IGSF10: variants seen among roughly 807,000 people sequenced by gnomAD.
The protein encoded by IGSF10 is calvaria mechanical force protein 608.
A neutral mutation model predicts 128.2 loss-of-function variants in IGSF10; 126 were observed. The ratio of observed to expected loss-of-function variants is 0.98; its 90% CI spans 0.85 to 1.14. The LOEUF (loss-of-function observed/expected upper bound fraction) is 1.14. Ranked by LOEUF, IGSF10 falls within the 50% of genes most tolerant of loss-of-function variation. The probability of loss-of-function intolerance (pLI) is 0.00; values close to 1 mark genes in which losing one functional copy is unlikely to be tolerated. For missense variants in IGSF10, 3,295 were observed against 3,149.8 expected (o/e 1.05, Z -1.10); for synonymous variants, 1,185 against 1,146.2 (o/e 1.03, Z -0.68).
At chr3:151,435,428 A>ACATAAGTTG (rs1720038546), downstream of IGSF10, 1 of 152,172 alleles carries the variant, frequency 6.6e-6, no homozygotes, top group Admixed American at 6.5e-5. Context: ...CTAACATCAG[A>ACATAAGTTG]CATAAGTTGC....
downstream of IGSF10, chr3:151,435,610 A>C (rs989269816): frequency 9.3e-6 from 1 of 107,152 alleles, no homozygotes; most frequent in Non-Finnish European, 2.0e-5. Context: ...CCATTTATAA[A>C]GCTCCTATAA....
At chr3:151,463,523 G>GGTTT (rs1553837068), upstream of IGSF10, among the ~76,000 whole-genome samples, 7 of 31,272 alleles carry the variant, frequency 2.2e-4, no homozygotes, top group South Asian at 5.2e-3. Context: ...ACATTTTCTG[G>GGTTT]TTTTTTTTTT....
At chr3:151,460,763 G>A (rs1392021359) in intron 1 of IGSF10, among the ~76,000 whole-genome samples, 183 bp downstream of exon 1, 2 of 150,526 alleles carry the variant, frequency 1.3e-5, no homozygotes, top group African/African-American at 2.5e-5. Flanking sequence ...ACCAGTCACC[G>A]AAGAATTGTC....
At chr3:151,559,550 A>G in the IGSF10 span, among the ~76,000 whole-genome samples, 1 of 152,176 alleles carries the variant, frequency 6.6e-6, no homozygotes, top group South Asian at 2.1e-4. Context: ...ATAATTTTGT[A>G]TATCTAGGAA....
At chr3:151,558,027 A>ATAT in the IGSF10 span, among the ~76,000 whole-genome samples, 3 of 52,926 alleles carry the variant, frequency 5.7e-5, no homozygotes, top group Middle Eastern at 6.7e-3. Flanking sequence ...TAATATATAT[A>ATAT]TTGGTACAAT....
rs1260750015 is a variant in IGSF10 at position 151,445,423 on chromosome 3, C to T, written c.4558G>A (p.Ala1520Thr). 2 of 1,614,096 alleles carry T rather than the reference C, an allele frequency of 1.2e-6. No homozygotes were observed. The highest frequency in any genetic ancestry group is 2.7e-5 in the African/African-American group (2 of 74,934). ...ACCTTGGGGGATGTTGCAACCTCTG[C>T]TACTAATTGCTGTGGTTTAGCATTG... The part of the protein sequence containing the change: ...RHNAKPQQLV[A>T]EVATSPKVHP... The change falls in exon 6 of 8, where the codon GCA becomes ACA. Residue 1520 changes from alanine (A) to threonine (T), a missense_variant. By Grantham distance (58) the Ala-to-Thr change is moderately conservative. Transcript: ENST00000282466.
At chr3:151,592,136 G>A in the IGSF10 span, among the ~76,000 whole-genome samples, 2 of 151,594 alleles carry the variant, frequency 1.3e-5, no homozygotes, top group African/African-American at 4.9e-5. Flanking sequence ...TATGACTTTG[G>A]GTCAATGACA....
At chr3:151,496,824 A>T in the IGSF10 span, among the ~76,000 whole-genome samples, 1 of 151,918 alleles carries the variant, frequency 6.6e-6, no homozygotes, top group Non-Finnish European at 1.5e-5. Context: ...ATTTCTCCAC[A>T]TCCTCTCCAG....
chr3:151,464,012 TAAGA>T (rs1214302877), upstream of IGSF10, among the ~76,000 whole-genome samples: 3 of 152,180 alleles, frequency 2.0e-5, no homozygotes, highest in South Asian at 2.1e-4. Flanking sequence ...CCTCATTTAA[TAAGA>T]AATATATGAA....
the IGSF10 span, among the ~76,000 whole-genome samples, chr3:151,578,254 T>C: frequency 6.6e-6 from 1 of 152,174 alleles, no homozygotes; most frequent in East Asian, 1.9e-4. Flanking sequence ...AAGACAAGGA[T>C]TGGCAAACTT....
At chr3:151,478,600 C>A in the IGSF10 span, among the ~76,000 whole-genome samples, 1 of 152,198 alleles carries the variant, frequency 6.6e-6, no homozygotes, top group East Asian at 1.9e-4. Flanking sequence ...TAAAACTTTG[C>A]AGTCTGCAAG....
At chr3:151,457,272 G>A in intron 3 of IGSF10, 117 bp from the exon 4 acceptor site, 1 of 952,436 alleles carries the variant, frequency 1.0e-6, no homozygotes, top group Non-Finnish European at 1.5e-6. Context: ...GTACTCTATT[G>A]AGACAATCAA....
the IGSF10 span, among the ~76,000 whole-genome samples, chr3:151,509,944 G>A: frequency 6.6e-6 from 1 of 152,210 alleles, no homozygotes; most frequent in African/African-American, 2.4e-5. Context: ...ACCCACCATT[G>A]CTCAGGCTTG....
At position 151,453,534 on chromosome 3, in the gene IGSF10, A is replaced by T; in HGVS notation, c.565T>A (p.Phe189Ile). 6.2e-7 allele frequency: 1 copy of T among 1,614,116 alleles called. No homozygotes were observed. Among genetic ancestry groups the T allele is most frequent in the Non-Finnish European group, 8.5e-7 (1 of 1,179,974 alleles). Residue 189 changes from phenylalanine to isoleucine, a missense_variant, in exon 5 of 8, where the codon TTC (phenylalanine) becomes ATC (isoleucine). Transcript: ENST00000282466. ...AGGAAGTTATCAGACAAGTATAGGA[A>T]CTTAATGAAAGAGATTTTAAATATC... ...LQIFKISFIKFLYLSDNFLTS... is the reference protein window; with the variant it reads ...LQIFKISFIKILYLSDNFLTS...
chr3:151,590,415 G>A, the IGSF10 span, among the ~76,000 whole-genome samples: 31 of 152,298 alleles, frequency 2.0e-4, no homozygotes, highest in African/African-American at 7.2e-4. Flanking sequence ...AGTGCAGCTG[G>A]TGTTTTGATT....
the IGSF10 span, among the ~76,000 whole-genome samples, chr3:151,476,942 G>A: frequency 6.6e-6 from 1 of 152,178 alleles, no homozygotes; most frequent in Admixed American, 6.5e-5. Flanking sequence ...GTCAGCCACT[G>A]GGAAGAGGAG....
the IGSF10 span, among the ~76,000 whole-genome samples, chr3:151,508,209 T>TA: frequency 2.0e-5 from 3 of 152,052 alleles, no homozygotes; most frequent in South Asian, 6.2e-4. Context: ...TAAAGTTACT[T>TA]AAAAGTTTCA....
the IGSF10 span, among the ~76,000 whole-genome samples, chr3:151,497,497 A>C: frequency 6.6e-6 from 1 of 152,044 alleles, no homozygotes; most frequent in East Asian, 1.9e-4. Flanking sequence ...GATATGTGGC[A>C]TTATTTCTGA....
chr3:151,439,250 A>T (rs1720686090), intron 7 of IGSF10, among the ~76,000 whole-genome samples: 1 of 152,252 alleles, frequency 6.6e-6, no homozygotes, highest in African/African-American at 2.4e-5. Context: ...AGTTGCTCAG[A>T]AAAGATGCCA....
Sources: gnomAD v4.1 joint callset for allele counts (sites outside exome capture counted in the v4.1 genomes callset) on GRCh38, gnomAD v4.1.1 for gene constraint, MANE v1.5 for transcripts, NCBI Gene and HGNC (gene_info 2026-07-23, HGNC 2026-07-21) for gene names.